The following AGBL4 variants were observed in gnomAD, a reference collection of about 807,000 sequenced individuals.
The protein encoded by AGBL4 is cytosolic carboxypeptidase 6.
Under a neutral mutation model 66.4 loss-of-function variants are expected in AGBL4, and 58 were observed. That is an observed-to-expected ratio of 0.87 (90% CI 0.71 to 1.09). The LOEUF (loss-of-function observed/expected upper bound fraction) is 1.09. Ranked by LOEUF, AGBL4 falls within the 50% of genes least tolerant of loss-of-function variation. The probability of loss-of-function intolerance (pLI) is 0.00; values close to 1 mark genes in which losing one functional copy is unlikely to be tolerated. For synonymous variants in AGBL4, 234 were observed against 222.9 expected, an observed-to-expected ratio of 1.05 and a Z score of -0.44; for missense variants, 579 against 631.0, an observed-to-expected ratio of 0.92 and a Z score of 0.88.
intron 4 of AGBL4, among the ~76,000 whole-genome samples, chr1:49,189,009 G>C (rs767693743): frequency 5.9e-5 from 9 of 152,172 alleles, no homozygotes; most frequent in Non-Finnish European, 1.3e-4. Flanking sequence ...ACAGAATCCA[G>C]ATTCAGCAGG....
At position 49,530,282 on chromosome 1, in the gene AGBL4, A is replaced by AAAAAAAAAAAAAAAAAAAAAT. The variant is rs1558025489; in HGVS notation, c.282+167030_282+167031insATTTTTTTTTTTTTTTTTTTT. Among the ~76,000 whole-genome samples the AAAAAAAAAAAAAAAAAAAAAT allele has an allele frequency of 9.6e-5, 14 of 145,484 alleles. 1 individual carries two copies. Among genetic ancestry groups the AAAAAAAAAAAAAAAAAAAAAT allele is most frequent in the Non-Finnish European group, 1.5e-4 (10 of 66,270 alleles). ...TGTAAAAAAAAAAAAACAAAAAAAA[A>AAAAAAAAAAAAAAAAAAAAAT]CTCTATGAGTTTTTTTTTATTATTA... On this transcript the variant is annotated intron_variant, in intron 3 of 13. Coordinates refer to ENST00000371839, the MANE Select transcript of AGBL4 (RefSeq NM_032785.4).
intron 11 of AGBL4, among the ~76,000 whole-genome samples, chr1:48,579,380 A>AAC (rs1175934255): frequency 6.6e-6 from 1 of 151,702 alleles, no homozygotes; most frequent in East Asian, 2.0e-4. Context: ...GGGGCCCGCC[A>AAC]ACAAGTTTGG....
chr1:48,667,328 T>C (rs1419306378), intron 6 of AGBL4, among the ~76,000 whole-genome samples: 2 of 152,194 alleles, frequency 1.3e-5, no homozygotes, highest in African/African-American at 2.4e-5. Flanking sequence ...GGGAAGCCAA[T>C]TGCTATGTCA....
chr1:49,205,312 T>C (rs1283198777), intron 4 of AGBL4, among the ~76,000 whole-genome samples: 1 of 152,082 alleles, frequency 6.6e-6, no homozygotes, highest in Non-Finnish European at 1.5e-5. Flanking sequence ...CTCTTCTTCA[T>C]TGTTCCCTGT....
At chr1:49,519,636 T>C (rs1004320626) in intron 3 of AGBL4, among the ~76,000 whole-genome samples, 1 of 152,070 alleles carries the variant, frequency 6.6e-6, no homozygotes, top group African/African-American at 2.4e-5. Flanking sequence ...TAGGATTCAC[T>C]TTTGAAAACT....
chr1:49,470,474 A>G (rs764213841), intron 3 of AGBL4, among the ~76,000 whole-genome samples: 76 of 152,002 alleles, frequency 5.0e-4, no homozygotes, highest in Non-Finnish European at 9.0e-4. Context: ...AGGTTTTATT[A>G]GCTTAACTAC....
At chr1:49,682,976 TC>T (rs1048640745) in intron 3 of AGBL4, among the ~76,000 whole-genome samples, 3 of 152,170 alleles carry the variant, frequency 2.0e-5, no homozygotes, top group Non-Finnish European at 4.4e-5. Context: ...AGAGAAAGGT[TC>T]TACTTCACAA....
intron 3 of AGBL4, among the ~76,000 whole-genome samples, chr1:49,432,310 C>T (rs1200220228): frequency 1.3e-5 from 2 of 152,104 alleles, no homozygotes; most frequent in Non-Finnish European, 2.9e-5. Flanking sequence ...CTCTGGAAAA[C>T]TTTGTAATTT....
chr1:49,240,638 G>C (rs891418565), intron 4 of AGBL4, among the ~76,000 whole-genome samples: 7 of 142,408 alleles, frequency 4.9e-5, no homozygotes, highest in African/African-American at 1.8e-4. Context: ...GCCTTTAAAT[G>C]TAGGGATTTC....
chr1:48,793,303 C>G (rs1645594662), intron 6 of AGBL4, among the ~76,000 whole-genome samples: 1 of 152,180 alleles, frequency 6.6e-6, no homozygotes, highest in African/African-American at 2.4e-5. Flanking sequence ...CTCTCACAAA[C>G]TCCCCCAGCC....
chr1:49,173,899 CAA>C (rs1419009344), intron 4 of AGBL4, among the ~76,000 whole-genome samples: 1 of 152,036 alleles, frequency 6.6e-6, no homozygotes, highest in Non-Finnish European at 1.5e-5. Flanking sequence ...GCAAAGTAAA[CAA>C]AGTGTTTAAG....
At chr1:48,606,902 T>A (rs1645162236) in intron 9 of AGBL4, among the ~76,000 whole-genome samples, 1 of 152,200 alleles carries the variant, frequency 6.6e-6, no homozygotes, top group South Asian at 2.1e-4. Flanking sequence ...GGAGGGGTCA[T>A]GCAGAGAAGG....
intron 3 of AGBL4, among the ~76,000 whole-genome samples, chr1:49,634,863 G>A (rs1373353090): frequency 2.6e-5 from 4 of 152,082 alleles, no homozygotes; most frequent in African/African-American, 7.2e-5. Flanking sequence ...TTCCTACTGC[G>A]AAAAAATGAG....
intron 1 of AGBL4, among the ~76,000 whole-genome samples, chr1:50,020,879 G>A (rs1279828569): frequency 6.6e-6 from 1 of 152,100 alleles, no homozygotes; most frequent in African/African-American, 2.4e-5. Context: ...TTACCAGATG[G>A]CCATATTTTG....
intron 6 of AGBL4, among the ~76,000 whole-genome samples, chr1:48,765,535 T>G (rs977818784): frequency 2.0e-5 from 3 of 152,226 alleles, no homozygotes; most frequent in African/African-American, 4.8e-5. Context: ...AACACAGAAT[T>G]ACTATAACCC....
chr1:48,665,461 CATATT>C (rs1482835974), intron 6 of AGBL4, among the ~76,000 whole-genome samples: 1 of 152,118 alleles, frequency 6.6e-6, no homozygotes, highest in Non-Finnish European at 1.5e-5. Flanking sequence ...AATATCGACT[CATATT>C]ATGTTTTTTA....
At chr1:48,868,586 G>C (rs1221449766) in intron 5 of AGBL4, among the ~76,000 whole-genome samples, 1 of 152,136 alleles carries the variant, frequency 6.6e-6, no homozygotes, top group Non-Finnish European at 1.5e-5. Flanking sequence ...CTAGCATGAT[G>C]CCTGGTACTT....
intron 5 of AGBL4, among the ~76,000 whole-genome samples, chr1:48,973,314 G>C (rs1659061426): frequency 6.6e-6 from 1 of 152,094 alleles, no homozygotes. Flanking sequence ...CCAATTAACT[G>C]TGTACATATC....
chr1:49,425,320 A>C (rs1262008202), intron 3 of AGBL4, among the ~76,000 whole-genome samples: 1 of 152,204 alleles, frequency 6.6e-6, no homozygotes, highest in Non-Finnish European at 1.5e-5. Context: ...TATTCTCTTT[A>C]GAAAATGATG....
Sources: gnomAD v4.1 joint callset for allele counts (sites outside exome capture counted in the v4.1 genomes callset) on GRCh38, gnomAD v4.1.1 for gene constraint, MANE v1.5 for transcripts, NCBI Gene and HGNC (gene_info 2026-07-23, HGNC 2026-07-21) for gene names.